KLHL22: variants seen among roughly 807,000 people sequenced by gnomAD.
The protein encoded by KLHL22 is kelch like family member 22.
In KLHL22, 18 loss-of-function variants were observed where a neutral mutation model predicts 60.7. The observed-to-expected ratio is 0.30, with a 90% confidence interval of 0.20 to 0.44. The LOEUF (loss-of-function observed/expected upper bound fraction) is 0.44, where lower values mean the gene tolerates loss of function less well. KLHL22 is among the 20% of genes least tolerant of loss of function. The pLI, the probability that KLHL22 is intolerant of heterozygous loss-of-function variation, is 1.00. For synonymous variants in KLHL22, 355 were observed against 354.5 expected, an observed-to-expected ratio of 1.00 and a Z score of -0.01; for missense variants, 596 against 852.3, an observed-to-expected ratio of 0.70 and a Z score of 3.74.
At chr22:20,458,194 C>T (rs1468985022) in intron 4 of KLHL22, among the ~76,000 whole-genome samples, 194 bp from the exon 5 acceptor site, 1 of 152,078 alleles carries the variant, frequency 6.6e-6, no homozygotes, top group East Asian at 1.9e-4. Flanking sequence ...ACAGGTGCTC[C>T]CCACCACACA....
At chr22:20,488,639 TG>T in intron 2 of KLHL22, 13 of 265,640 alleles carry the variant, frequency 4.9e-5, no homozygotes, top group Non-Finnish European at 7.6e-5. Context: ...CAGAAGGTGA[TG>T]CATACACAGC....
At chr22:20,463,222 A>G (rs547580254) in intron 4 of KLHL22, among the ~76,000 whole-genome samples, 3 of 152,036 alleles carry the variant, frequency 2.0e-5, no homozygotes, top group African/African-American at 7.2e-5. Flanking sequence ...GGTCTTGCCG[A>G]CCCCACTTGC....
chr22:20,469,269 A>G (rs1264313045), intron 3 of KLHL22, among the ~76,000 whole-genome samples: 1 of 152,180 alleles, frequency 6.6e-6, no homozygotes, highest in Non-Finnish European at 1.5e-5. Flanking sequence ...ACCTGTCCTC[A>G]CATGGACGCA....
intron 3 of KLHL22, 32 bp downstream of exon 3, chr22:20,471,318 G>A (rs979562716): frequency 3.1e-6 from 5 of 1,602,166 alleles, no homozygotes. Context: ...ACCTGGGTGT[G>A]GGTCTGCCTT....
intron 2 of KLHL22, among the ~76,000 whole-genome samples, 163 bp from the exon 3 acceptor site, chr22:20,471,678 C>T (rs2053329647): frequency 6.6e-6 from 1 of 152,138 alleles, no homozygotes; most frequent in Non-Finnish European, 1.5e-5. Flanking sequence ...ATGCATGAGC[C>T]ATCCCACAAA....
intron 2 of KLHL22, among the ~76,000 whole-genome samples, chr22:20,485,876 C>T (rs1221838479): frequency 6.9e-6 from 1 of 144,558 alleles, no homozygotes; most frequent in Non-Finnish European, 1.5e-5. Flanking sequence ...TCAAAACAAA[C>T]AAACAAAAGG....
chr22:20,482,402 TG>T (rs1013881745), intron 2 of KLHL22, among the ~76,000 whole-genome samples: 19 of 152,102 alleles, frequency 1.2e-4, no homozygotes, highest in African/African-American at 4.6e-4. Flanking sequence ...TTTTTTTTTT[TG>T]AGACAAGGTC....
chr22:20,448,138 A>T lies in KLHL22; in HGVS notation c.1306-1462T>A, dbSNP rs181533729. 2.7e-3 allele frequency among the ~76,000 whole-genome samples: 414 copies of T among 152,302 alleles called. No individual in the cohort carries two copies. In the Middle Eastern group the frequency reaches 0.058, roughly 21 times the overall value. Reference sequence around the variant, plus strand: ...TCTATTTCTACAGTTTTGTAACTTCAAGAGTGTTGTCTGAATTAAATCAGT... The same window carrying T: ...TCTATTTCTACAGTTTTGTAACTTCTAGAGTGTTGTCTGAATTAAATCAGT... On this transcript the variant is annotated intron_variant, in intron 5 of 6. Transcript: ENST00000328879.
chr22:20,483,513 C>T (rs752993510), intron 2 of KLHL22: 1 of 729,964 alleles, frequency 1.4e-6, no homozygotes, highest in Admixed American at 1.8e-5. Flanking sequence ...CTGTCTCCAG[C>T]TACAGCTGAG....
intron 2 of KLHL22, among the ~76,000 whole-genome samples, chr22:20,485,752 C>G (rs1286425405): frequency 3.9e-5 from 6 of 152,054 alleles, no homozygotes; most frequent in Non-Finnish European, 5.9e-5. Context: ...TCTGTAATCC[C>G]AGCTACTCAG....
chr22:20,482,999 T>C, intron 2 of KLHL22: 1 of 708,708 alleles, frequency 1.4e-6, no homozygotes, highest in Non-Finnish European at 2.6e-6. Flanking sequence ...CAGCTTGACC[T>C]TAACGTTCAC....
rs534642069 is a variant in KLHL22 at position 20,450,218 on chromosome 22, T to C, written c.1306-3542A>G. On this transcript the variant is annotated intron_variant, in intron 5 of 6. Coordinates refer to ENST00000328879, the MANE Select transcript of KLHL22 (RefSeq NM_032775.4). ...CTCCGTTGGGAAGAGCAATACCTTCTGTGATGTGACATTGAGTAGAGCAGA... is the reference window on the plus strand; with the variant it reads ...CTCCGTTGGGAAGAGCAATACCTTCCGTGATGTGACATTGAGTAGAGCAGA... 18 of 814,750 alleles carry C rather than the reference T, an allele frequency of 2.2e-5. No individual in the cohort carries two copies. The African/African-American group carries it at 2.5e-4, about 11-fold the overall frequency. The allele number at this position is 814,750 out of a possible 1,614,324, so 50.5% of individuals were successfully genotyped here. A position where few individuals can be genotyped will look rare whatever the true frequency, so the allele number is the denominator to read the frequency against.
chr22:20,472,193 G>A (rs2053337777), intron 2 of KLHL22, among the ~76,000 whole-genome samples: 1 of 152,236 alleles, frequency 6.6e-6, no homozygotes, highest in Admixed American at 6.5e-5. Flanking sequence ...GGTGCCATGA[G>A]CCAAGATTGC....
rs779345954 is a variant in KLHL22, at chr22:20,495,193, A to C, written c.-34+567T>G. ...ATCCACTCGGCTCGGCCCGCACCGG[A>C]TCTAAAATGGTCAGAACTGGCAGCC... On this transcript the variant is annotated intron_variant, in intron 1 of 6. Coordinates refer to ENST00000328879, the MANE Select transcript of KLHL22 (RefSeq NM_032775.4). This position sits in a 1 kb window ranked among gnomAD's most constrained non-coding sequence, Gnocchi z 4.6. Among the ~76,000 whole-genome samples, 15 of 151,988 alleles carry C rather than the reference A, an allele frequency of 9.9e-5. No individual in the cohort carries two copies. The highest frequency in any genetic ancestry group is 1.9e-4 in the Non-Finnish European group (13 of 67,968).
intron 4 of KLHL22, among the ~76,000 whole-genome samples, chr22:20,462,568 C>T (rs2053173714): frequency 6.6e-6 from 1 of 151,498 alleles, no homozygotes; most frequent in South Asian, 2.1e-4. Context: ...CTTTGTTGCC[C>T]AGGCTGATCT....
intron 3 of KLHL22, among the ~76,000 whole-genome samples, chr22:20,469,842 T>C (rs555940064): frequency 5.7e-4 from 86 of 151,666 alleles, no homozygotes; most frequent in South Asian, 2.5e-3. Flanking sequence ...GAACTTAGCA[T>C]AGCATTTTGT....
chr22:20,489,101 G>A lies in KLHL22; in HGVS notation c.111C>T (p.Leu37=). 6.2e-7 allele frequency: 1 copy of A among 1,614,102 alleles called. No homozygotes were observed. Among genetic ancestry groups the A allele is most frequent in the Non-Finnish European group, 8.5e-7 (1 of 1,180,042 alleles). Reference sequence around the variant, plus strand: ...TGTCCCGGAGAGCCAGCAGCCCTCGGAGCAGAGCCTGGGAGTGCTGTGCGC... The same window carrying A: ...TGTCCCGGAGAGCCAGCAGCCCTCGAAGCAGAGCCTGGGAGTGCTGTGCGC... ...YRSAQHSQAL[L]RGLLALRDSG... is the part of the protein sequence containing the mutation. Residue 37 remains leucine (L), a synonymous_variant, in exon 2 of 7, where the codon CTC becomes CTT. Transcript: ENST00000328879.
chr22:20,452,296 T>C (rs569449044), intron 5 of KLHL22, among the ~76,000 whole-genome samples: 28 of 152,088 alleles, frequency 1.8e-4, no homozygotes, highest in Admixed American at 2.6e-4. Flanking sequence ...TTTTCTAATC[T>C]ACAGGTAGCT....
intron 5 of KLHL22, among the ~76,000 whole-genome samples, chr22:20,448,116 A>C (rs1013318088): frequency 1.3e-5 from 2 of 152,132 alleles, no homozygotes; most frequent in Non-Finnish European, 2.9e-5. Flanking sequence ...TCTCTTCTCT[A>C]TTTCTACAGT....
Sources: gnomAD v4.1 joint callset for allele counts (sites outside exome capture counted in the v4.1 genomes callset) on GRCh38, gnomAD v4.1.1 for gene constraint, Gnocchi (gnomAD v3.1) non-coding constraint, MANE v1.5 for transcripts, NCBI Gene and HGNC (gene_info 2026-07-23, HGNC 2026-07-21) for gene names.